Variants in BIRC2 observed in about 807,000 individuals in gnomAD.
BIRC2 encodes the protein baculoviral IAP repeat containing 2.
In BIRC2, 18 loss-of-function variants were observed where a neutral mutation model predicts 60.9. The observed-to-expected ratio is 0.30, with a 90% CI of 0.20 to 0.44. The LOEUF (loss-of-function observed/expected upper bound fraction) is 0.44. Ranked by LOEUF, BIRC2 falls within the 20% of genes least tolerant of loss-of-function variation. The probability of loss-of-function intolerance (pLI) is 1.00; values close to 1 mark genes in which losing one functional copy is unlikely to be tolerated. For synonymous variants in BIRC2, 282 were observed against 247.7 expected (o/e 1.14, Z -1.30); for missense variants, 701 against 728.5 (o/e 0.96, Z 0.43).
chr11:102,347,409 T>A (rs751511689), intron 1 of BIRC2, 33 bp downstream of exon 1: 2 of 150,684 alleles, frequency 1.3e-5, no homozygotes, highest in South Asian at 4.3e-4. Flanking sequence ...TCGGGCGGCG[T>A]GGGGCGGGTG....
chr11:102,376,190 G>A lies in BIRC2; in HGVS notation c.1367-1306G>A, dbSNP rs1475882727. Among the ~76,000 whole-genome samples the A allele has an allele frequency of 5.3e-5, 8 of 152,284 alleles. No homozygotes were observed. In the East Asian group the frequency reaches 1.5e-3, roughly 29 times the overall value. Reference sequence around the variant, plus strand: ...GCAGTGTTAATAGGGGAAAGGGCAAGTAAGGAATACGGAAGATGAGTTAAG... The same window carrying A: ...GCAGTGTTAATAGGGGAAAGGGCAAATAAGGAATACGGAAGATGAGTTAAG... On this transcript the variant is annotated intron_variant, in intron 6 of 8. Coordinates refer to ENST00000227758, the MANE Select transcript of BIRC2 (RefSeq NM_001166.5).
chr11:102,356,315 C>A (rs969633710), intron 3 of BIRC2, among the ~76,000 whole-genome samples: 1 of 151,806 alleles, frequency 6.6e-6, no homozygotes, highest in African/African-American at 2.4e-5. Flanking sequence ...CCTGCCCCAG[C>A]CTCCCGAGTA....
intron 1 of BIRC2, chr11:102,348,227 G>T (rs1373197220): frequency 1.3e-5 from 2 of 152,440 alleles, no homozygotes; most frequent in East Asian, 3.9e-4. Context: ...TGCTGACAGG[G>T]TGTAGTGGAG....
Position 102,350,112 on chromosome 11 carries a change from T to C in BIRC2, c.258T>C (p.Cys86=). 6.2e-7 allele frequency: 1 copy of C among 1,614,236 alleles called. No homozygotes were observed. The highest frequency in any genetic ancestry group is 8.5e-7 in the Non-Finnish European group (1 of 1,180,044). The change falls in exon 2 of 9, where the codon TGT becomes TGC. Residue 86 remains cysteine (C), a synonymous_variant. Transcript: ENST00000227758. ...GVNDKVKCFC[C]GLMLDNWKLG... ...ATGACAAGGTCAAATGCTTCTGTTG[T>C]GGCCTGATGCTGGATAACTGGAAAC...
At chr11:102,364,383 C>T (rs1951529425) in intron 5 of BIRC2, among the ~76,000 whole-genome samples, 1 of 151,726 alleles carries the variant, frequency 6.6e-6, no homozygotes. Flanking sequence ...AATAAACCCT[C>T]CAGAAAAGAA....
At chr11:102,372,766 G>A (rs1287048257) in intron 6 of BIRC2, among the ~76,000 whole-genome samples, 2 of 125,514 alleles carry the variant, frequency 1.6e-5, no homozygotes, top group East Asian at 2.2e-4. Context: ...TGACAGTGGG[G>A]TGTTAAAGTC....
intron 1 of BIRC2, chr11:102,347,629 C>T (rs1951307767): frequency 6.6e-6 from 1 of 152,306 alleles, no homozygotes; most frequent in African/African-American, 2.4e-5. Context: ...CCTCTGGCCG[C>T]CGCCCACTCT....
At chr11:102,348,429 T>C (rs568932074) in intron 1 of BIRC2, 169 bp from the exon 2 acceptor site, 14 of 158,764 alleles carry the variant, frequency 8.8e-5, no homozygotes, top group African/African-American at 3.4e-4. Context: ...TTACTTATTT[T>C]AATTAATAGC....
chr11:102,362,228 A>T lies in BIRC2; in HGVS notation c.996-668A>T, dbSNP rs575204370. Among the ~76,000 whole-genome samples the T allele has an allele frequency of 7.2e-5, 11 of 152,296 alleles. No homozygotes were observed. The South Asian group carries it at 2.1e-3, about 29-fold the overall frequency. On this transcript the variant is annotated intron_variant, in intron 3 of 8. Transcript: ENST00000227758. ...TGATCCATTTTTACTATTTTTGCAT[A>T]TAATATGGGCATAGGTCAGTGTTCC...
rs753796105 is a variant in BIRC2 at position 102,377,495 on chromosome 11, G to A, written c.1367-1G>A. ...GATTTCTTTTTCTTTTTTTAATGAAGATGATTTGTCATTAATTCGGAAGAA... is the reference window on the plus strand; with the variant it reads ...GATTTCTTTTTCTTTTTTTAATGAAAATGATTTGTCATTAATTCGGAAGAA... On this transcript the variant is annotated splice_acceptor_variant, in intron 6 of 8. Coordinates refer to ENST00000227758, the MANE Select transcript of BIRC2 (RefSeq NM_001166.5). LOFTEE classifies it high-confidence loss of function. The A allele has an allele frequency of 6.3e-7, 1 of 1,584,880 alleles. No homozygotes were observed. Among genetic ancestry groups the A allele is most frequent in the Non-Finnish European group, 8.5e-7 (1 of 1,173,038 alleles).
intron 5 of BIRC2, among the ~76,000 whole-genome samples, chr11:102,364,606 C>A (rs533701898): frequency 6.6e-6 from 1 of 152,246 alleles, no homozygotes; most frequent in South Asian, 2.1e-4. Flanking sequence ...AGGTAGTAAT[C>A]CCGTTTTATG....
chr11:102,358,679 AC>A (rs1374351952), intron 3 of BIRC2, among the ~76,000 whole-genome samples: 1 of 152,198 alleles, frequency 6.6e-6, no homozygotes, highest in African/African-American at 2.4e-5. Context: ...ATTTACAGAT[AC>A]TGTATCCTCT....
chr11:102,357,598 T>G (rs1167579185), intron 3 of BIRC2, among the ~76,000 whole-genome samples: 1 of 152,178 alleles, frequency 6.6e-6, no homozygotes, highest in East Asian at 1.9e-4. Flanking sequence ...TTCATGGTAG[T>G]CTCTTATGGT....
chr11:102,366,712 TAACATCC>T (rs1951556807), intron 5 of BIRC2, among the ~76,000 whole-genome samples: 1 of 152,280 alleles, frequency 6.6e-6, no homozygotes, highest in East Asian at 1.9e-4. Flanking sequence ...CATCTGTGTC[TAACATCC>T]TAACAAGTCT....
chr11:102,378,041 A>G lies in BIRC2; in HGVS notation c.1715A>G (p.Lys572Arg). 6.2e-7 allele frequency: 1 copy of G among 1,613,270 alleles called. No homozygotes were observed. Among genetic ancestry groups the G allele is most frequent in the Non-Finnish European group, 8.5e-7 (1 of 1,179,696 alleles). The change falls in exon 9 of 9, where the codon AAA becomes AGA. Residue 572 changes from lysine (K) to arginine (R), a missense_variant. Around this residue, in one of 4 missense-constraint regions of BIRC2, gnomAD observed 52 missense variants for 83.9 expected, o/e 0.62. Coordinates refer to ENST00000227758, the MANE Select transcript of BIRC2 (RefSeq NM_001166.5). ...LRRLQEERTC[K>R]VCMDKEVSVV... The stretch of plus-strand genomic sequence containing the variant: ...AGGTTGCAAGAAGAACGAACTTGTA[A>G]AGTGTGTATGGACAAAGAAGTTTCT...
intron 3 of BIRC2, among the ~76,000 whole-genome samples, chr11:102,360,775 G>GTTTTTTTTGTTTT (rs1195332822): frequency 0.01 from 1,385 of 135,682 alleles, 20 homozygotes; most frequent in African/African-American, 0.034. Context: ...AGATTAGTGT[G>GTTTTTTTTGTTTT]TTTTTTTTGT....
intron 5 of BIRC2, among the ~76,000 whole-genome samples, chr11:102,367,950 C>T (rs1382633814): frequency 6.6e-6 from 1 of 152,170 alleles, no homozygotes; most frequent in East Asian, 1.9e-4. Flanking sequence ...GATTATTTCT[C>T]ACTTCTAAGT....
At position 102,368,433 on chromosome 11, in the gene BIRC2, C is replaced by T. The variant is rs1005069516; in HGVS notation, c.1251C>T (p.Ile417=). The change falls in exon 6 of 9, where the codon ATC becomes ATT. Residue 417 remains isoleucine, a synonymous_variant. Transcript: ENST00000227758. ...DLVKQTVQSK[I]LTTGENYKTV... ...TGAAACAAACAGTTCAAAGTAAAAT[C>T]CTGACAACTGGAGAGAACTATAAAA... The T allele has an allele frequency of 1.2e-6, 2 of 1,613,924 alleles. No individual in the cohort carries two copies. Among genetic ancestry groups the T allele is most frequent in the Non-Finnish European group, 1.7e-6 (2 of 1,179,962 alleles).
chr11:102,354,944 GTTTTTTTTTT>G (rs61520984), intron 3 of BIRC2, among the ~76,000 whole-genome samples: 1 of 89,650 alleles, frequency 1.1e-5, no homozygotes, highest in East Asian at 3.2e-4. Context: ...AATTATTTGG[GTTTTTTTTTT>G]TTTTTTTTTT....
Sources: gnomAD v4.1 joint callset for allele counts (sites outside exome capture counted in the v4.1 genomes callset) on GRCh38, gnomAD v4.1.1 for gene constraint, gnomAD v4.1.1 regional missense constraint, MANE v1.5 for transcripts, NCBI Gene and HGNC (gene_info 2026-07-23, HGNC 2026-07-21) for gene names.